The following CD99 variants were observed in gnomAD, a reference collection of about 807,000 sequenced individuals.
CD99 encodes CD99 antigen.
A neutral mutation model predicts 28.4 loss-of-function variants in CD99; 19 were observed. That is an observed-to-expected ratio of 0.67 (90% CI 0.47 to 0.98). CD99 has a LOEUF of 0.98. Among genes scored for constraint, CD99 ranks in the 50% least tolerant of loss-of-function variants. CD99 has a pLI of 0.00. For synonymous variants in CD99, 103 were observed against 92.1 expected (o/e 1.12, Z -0.67); for missense variants, 283 against 248.8 (o/e 1.14, Z -0.92).
chrX:2,740,742 C>A (rs312256), intron 9 of CD99, 37 bp from the exon 10 acceptor site: 218,638 of 1,603,322 alleles, frequency 0.14, 16,489 homozygotes, highest in Admixed American at 0.17. Context: ...TGCTCAGGGA[C>A]CTGGGAATGA....
chrX:2,692,668 G>A (rs2047383412), intron 1 of CD99, among the ~76,000 whole-genome samples: 1 of 151,710 alleles, frequency 6.6e-6, no homozygotes. Flanking sequence ...CTTCCTAAAT[G>A]TCCTTCTTGC....
Position 2,741,040 on chromosome X carries a change from G to C in CD99, c.*236G>C. On this transcript the variant is annotated 3_prime_UTR_variant, in exon 10 of 10. Coordinates refer to ENST00000381192, the MANE Select transcript of CD99 (RefSeq NM_002414.5). ...TTGGACCCCCATTCTCCAAGGCCCG[G>C]GGGGGCGGTTTCCCATGGGATGTGA... 1.7e-6 allele frequency: 1 copy of C among 581,148 alleles called. No homozygotes were observed. The highest frequency in any genetic ancestry group is 2.2e-5 in the South Asian group (1 of 44,740). 36.0% of individuals were successfully genotyped at this position (581,148 alleles called of 1,614,324 possible). A position where few individuals can be genotyped will look rare whatever the true frequency, so the allele number is the denominator to read the frequency against.
chrX:2,702,940 C>T (rs1412652208), intron 1 of CD99, among the ~76,000 whole-genome samples: 2 of 152,120 alleles, frequency 1.3e-5, no homozygotes, highest in Non-Finnish European at 2.9e-5. Flanking sequence ...GGATTACAGC[C>T]ACCACGCCTG....
At chrX:2,726,222 C>T (rs778901824) in intron 7 of CD99, 38 bp from the exon 8 acceptor site, 28 of 1,254,130 alleles carry the variant, frequency 2.2e-5, no homozygotes, top group Non-Finnish European at 3.2e-5. Flanking sequence ...CTGCACCGTG[C>T]GTGTCTCAAT....
intron 1 of CD99, chrX:2,691,854 C>T (rs1358841996): frequency 1.3e-6 from 1 of 778,592 alleles, no homozygotes; most frequent in Non-Finnish European, 2.4e-6. Context: ...CACAGCCACG[C>T]CCTGCGTCCC....
At chrX:2,722,785 A>T in intron 6 of CD99, 111 bp downstream of exon 6, 1 of 1,137,728 alleles carries the variant, frequency 8.8e-7, no homozygotes, top group Non-Finnish European at 1.3e-6. Flanking sequence ...ACTCACAGTG[A>T]AATGTTCAGC....
chrX:2,708,567 A>G (rs776813127), intron 1 of CD99, among the ~76,000 whole-genome samples: 2 of 152,340 alleles, frequency 1.3e-5, no homozygotes, highest in South Asian at 4.1e-4. Context: ...CTGGAGTGAC[A>G]TTGAAATTGT....
intron 8 of CD99, among the ~76,000 whole-genome samples, chrX:2,732,862 CCT>C (rs1029258401): frequency 1.2e-3 from 161 of 136,596 alleles, no homozygotes; most frequent in Non-Finnish European, 2.1e-3. Flanking sequence ...TTCTTACATG[CCT>C]CTTTTCTTCC....
At chrX:2,736,968 T>C (rs35939958) in intron 8 of CD99, among the ~76,000 whole-genome samples, 9,625 of 151,948 alleles carry the variant, frequency 0.063, 340 homozygotes, top group Non-Finnish European at 0.083. Flanking sequence ...CAAGACGCCT[T>C]GGCTGTCTTG....
chrX:2,738,373 G>C, intron 9 of CD99, 117 bp downstream of exon 9: 1 of 940,492 alleles, frequency 1.1e-6, no homozygotes, highest in Non-Finnish European at 1.7e-6. Context: ...GCATGGCTTT[G>C]AATGTCTTCC....
At chrX:2,728,490 C>T (rs1046196231) in intron 8 of CD99, among the ~76,000 whole-genome samples, 5 of 151,996 alleles carry the variant, frequency 3.3e-5, no homozygotes, top group Non-Finnish European at 5.9e-5. Flanking sequence ...GCCACCGTGC[C>T]CAGCTGGTGT....
chrX:2,728,859 C>T (rs772547729), intron 8 of CD99, among the ~76,000 whole-genome samples: 10 of 118,124 alleles, frequency 8.5e-5, no homozygotes, highest in South Asian at 8.1e-4. Flanking sequence ...TTTTTTGAGA[C>T]GGAGTCTCGC....
intron 1 of CD99, among the ~76,000 whole-genome samples, chrX:2,710,248 C>T (rs1459666236): frequency 6.6e-6 from 1 of 152,046 alleles, no homozygotes; most frequent in Non-Finnish European, 1.5e-5. Flanking sequence ...CTGGAGTTTC[C>T]TGGGTTCTGC....
intron 4 of CD99, 60 bp downstream of exon 4, chrX:2,719,765 T>A: frequency 1.3e-6 from 2 of 1,513,998 alleles, no homozygotes; most frequent in Non-Finnish European, 1.8e-6. Flanking sequence ...CCAATTATGA[T>A]CATTTCAGAG....
intron 1 of CD99, among the ~76,000 whole-genome samples, chrX:2,693,195 T>C (rs1187372730): frequency 6.7e-6 from 1 of 150,006 alleles, no homozygotes; most frequent in East Asian, 2.0e-4. Flanking sequence ...CAGTCTGGAG[T>C]GTAGTGGCAC....
chrX:2,719,468 CT>C, intron 3 of CD99, 192 bp from the exon 4 acceptor site: 2 of 648,480 alleles, frequency 3.1e-6, no homozygotes, highest in Admixed American at 2.6e-5. Context: ...GTTTTTTCCT[CT>C]TTTTATCTGA....
chrX:2,691,320 C>T lies in CD99; in HGVS notation c.-41C>T. ...ATCTGTCCTGCCGCCTTCGCCCACG[C>T]CCTGCACTCCGGGACCGTCCCTGCG... On this transcript the variant is annotated 5_prime_UTR_variant, in exon 1 of 10. Transcript: ENST00000381192. 6.6e-7 allele frequency: 1 copy of T among 1,505,766 alleles called. No homozygotes were observed. The highest frequency in any genetic ancestry group is 8.8e-7 in the Non-Finnish European group (1 of 1,132,728). 93.3% of individuals were successfully genotyped at this position (1,505,766 alleles called of 1,614,324 possible).
intron 2 of CD99, among the ~76,000 whole-genome samples, chrX:2,716,629 C>A (rs1053266085): frequency 6.6e-6 from 1 of 152,182 alleles, no homozygotes; most frequent in Non-Finnish European, 1.5e-5. Flanking sequence ...AGTGCTGAGG[C>A]GTGAGAGGAT....
At chrX:2,728,267 C>T (rs1301679952) in intron 8 of CD99, among the ~76,000 whole-genome samples, 1 of 146,544 alleles carries the variant, frequency 6.8e-6, no homozygotes, top group Admixed American at 6.9e-5. Context: ...TGCAATGGCT[C>T]CATCTTGGCT....
Sources: allele counts gnomAD v4.1 joint callset (sites outside exome capture counted in the v4.1 genomes callset), GRCh38; gene constraint gnomAD v4.1.1; transcripts MANE v1.5; gene names NCBI Gene and HGNC (gene_info 2026-07-23, HGNC 2026-07-21).